The following GYPC variants were observed in gnomAD, a reference collection of about 807,000 sequenced individuals.
GYPC encodes the protein glycophorin C (Gerbich blood group).
In GYPC, 14 loss-of-function variants were observed where a neutral mutation model predicts 12.6. The observed-to-expected ratio is 1.11, with a 90% confidence interval of 0.74 to 1.74. GYPC has a LOEUF of 1.74. Among genes scored for constraint, GYPC ranks in the 40% most tolerant of loss-of-function variants. The probability of loss-of-function intolerance (pLI) is 0.00; values close to 1 mark genes in which losing one functional copy is unlikely to be tolerated. For missense variants in GYPC, 225 were observed against 172.1 expected, an observed-to-expected ratio of 1.31 and a Z score of -1.72; for synonymous variants, 78 against 62.1, an observed-to-expected ratio of 1.26 and a Z score of -1.20.
At position 126,693,895 on chromosome 2, in the gene GYPC, T is replaced by G. The variant is rs767219358; in HGVS notation, c.138T>G (p.Asp46Glu). Residue 46 changes from aspartate (D) to glutamate (E), a missense_variant, in exon 3 of 4, where the codon GAT becomes GAG. Physicochemically the swap from Asp to Glu is conservative, Grantham distance 45 (BLOSUM62 2). Transcript: ENST00000259254. ...ATCCAGGGATGTCTGGATGGCCGGA[T>G]GGCAGAATGGAGACCTCCACCCCCA... ...EPDPGMSGWP[D>E]GRMETSTPTI... is the part of the protein sequence containing the mutation. The G allele has an allele frequency of 2.7e-5, 43 of 1,612,588 alleles. No homozygotes were observed. Among genetic ancestry groups the G allele is most frequent in the Non-Finnish European group, 3.6e-5 (43 of 1,178,726 alleles).
intron 1 of GYPC, among the ~76,000 whole-genome samples, chr2:126,676,405 T>C (rs1405351137): frequency 6.6e-6 from 1 of 152,186 alleles, no homozygotes; most frequent in Non-Finnish European, 1.5e-5. Context: ...TCATTAGACA[T>C]TAACTGGTTG....
intron 1 of GYPC, among the ~76,000 whole-genome samples, chr2:126,676,729 C>T (rs943587790): frequency 1.8e-4 from 27 of 152,042 alleles, no homozygotes; most frequent in African/African-American, 6.3e-4. Context: ...ATTTTCATTG[C>T]TAGAAAAACA....
chr2:126,692,838 G>C (rs1031691530), intron 2 of GYPC, among the ~76,000 whole-genome samples: 5 of 152,190 alleles, frequency 3.3e-5, no homozygotes, highest in African/African-American at 9.6e-5. Flanking sequence ...TTCTCCAAGA[G>C]AGAAAGTGCA....
At chr2:126,662,148 C>T (rs1682551150) in intron 1 of GYPC, among the ~76,000 whole-genome samples, 1 of 152,108 alleles carries the variant, frequency 6.6e-6, no homozygotes, top group Non-Finnish European at 1.5e-5. Flanking sequence ...TGTCAGCAGC[C>T]GATGAGCACA....
At chr2:126,692,205 C>T (rs756354577) in intron 2 of GYPC, among the ~76,000 whole-genome samples, 13 of 152,204 alleles carry the variant, frequency 8.5e-5, no homozygotes, top group African/African-American at 2.2e-4. Flanking sequence ...TCCTGGCTCC[C>T]GAGACCCAGA....
chr2:126,695,907 C>T (rs751337882), intron 3 of GYPC, 39 bp from the exon 4 acceptor site: 1 of 1,572,586 alleles, frequency 6.4e-7, no homozygotes. Flanking sequence ...CCCAGAGCCC[C>T]TGCCTCAGAC....
intron 1 of GYPC, chr2:126,657,631 C>T (rs1682402016): frequency 6.6e-6 from 1 of 152,162 alleles, no homozygotes; most frequent in South Asian, 2.1e-4. Flanking sequence ...GGACAGGAGC[C>T]ACTGTCATTA....
rs528402130 is a variant in GYPC at position 126,675,477 on chromosome 2, G to A, written c.50-14778G>A. The stretch of plus-strand genomic sequence containing the variant: ...AATTCTCAGACCGCCAGCCTCTCCT[G>A]CAGCTCCTACCTCATACCCAGACCC... On this transcript the variant is annotated intron_variant, in intron 1 of 3. Coordinates refer to ENST00000259254, the MANE Select transcript of GYPC (RefSeq NM_002101.5). Among the ~76,000 whole-genome samples, 16 of 152,244 alleles carry A rather than the reference G, an allele frequency of 1.1e-4. No individual in the cohort carries two copies. In the East Asian group the frequency reaches 3.1e-3, roughly 29 times the overall value.
intron 1 of GYPC, among the ~76,000 whole-genome samples, chr2:126,663,434 G>C (rs1014821976): frequency 6.6e-6 from 1 of 152,178 alleles, no homozygotes; most frequent in African/African-American, 2.4e-5. Context: ...CTGTGTGATG[G>C]GGAGCAAGCC....
chr2:126,690,129 C>G (rs558391968), intron 1 of GYPC, 126 bp from the exon 2 acceptor site: 1 of 764,922 alleles, frequency 1.3e-6, no homozygotes, highest in African/African-American at 1.7e-5. Flanking sequence ...ACCACACTGT[C>G]TCTGTCCACT....
intron 3 of GYPC, 125 bp downstream of exon 3, chr2:126,694,072 G>A: frequency 1.4e-6 from 1 of 733,168 alleles, no homozygotes; most frequent in East Asian, 2.6e-5. Flanking sequence ...CTCCCTCAGA[G>A]GTGGTTTTGA....
chr2:126,672,001 C>T (rs1173850759), intron 1 of GYPC, among the ~76,000 whole-genome samples: 1 of 152,092 alleles, frequency 6.6e-6, no homozygotes, highest in Admixed American at 6.6e-5. Flanking sequence ...GCAGAGAGCA[C>T]AGCAAGTGCA....
At chr2:126,680,731 G>A (rs1179906980) in intron 1 of GYPC, among the ~76,000 whole-genome samples, 1 of 152,224 alleles carries the variant, frequency 6.6e-6, no homozygotes, top group Non-Finnish European at 1.5e-5. Context: ...GTCACTGAAT[G>A]TACTGTCTCT....
chr2:126,680,431 T>C (rs937615767), intron 1 of GYPC: 1 of 152,088 alleles, frequency 6.6e-6, no homozygotes, highest in Non-Finnish European at 1.5e-5. Context: ...GCATAGGAAG[T>C]GAGAGGAACC....
chr2:126,686,980 CCTA>C (rs1683310240), intron 1 of GYPC, among the ~76,000 whole-genome samples: 1 of 152,198 alleles, frequency 6.6e-6, no homozygotes, highest in Admixed American at 6.5e-5. Flanking sequence ...AGACCAACCA[CCTA>C]CTTTCTGGGC....
At chr2:126,672,966 T>A (rs913802295) in intron 1 of GYPC, among the ~76,000 whole-genome samples, 1 of 152,058 alleles carries the variant, frequency 6.6e-6, no homozygotes, top group Non-Finnish European at 1.5e-5. Flanking sequence ...CACCTCAGTC[T>A]TATCCTCACC....
intron 1 of GYPC, among the ~76,000 whole-genome samples, chr2:126,686,801 C>T (rs1683304305): frequency 6.6e-6 from 1 of 152,150 alleles, no homozygotes; most frequent in Admixed American, 6.5e-5. Flanking sequence ...CAGACCCAAG[C>T]TTGGCCGTAA....
At chr2:126,691,237 G>A (rs1416597026) in intron 2 of GYPC, among the ~76,000 whole-genome samples, 1 of 152,230 alleles carries the variant, frequency 6.6e-6, no homozygotes, top group African/African-American at 2.4e-5. Flanking sequence ...TTGCTCTGCA[G>A]CTTCAAAGTA....
Position 126,656,373 on chromosome 2 carries a change from C to G in GYPC, c.49+61C>G, listed in dbSNP as rs28387082. 3,301 of 1,441,388 alleles carry G rather than the reference C, an allele frequency of 2.3e-3. 5 individuals are homozygous for G. Among genetic ancestry groups the G allele is most frequent in the Admixed American group, 4.3e-3 (218 of 51,116 alleles). 89.3% of individuals were successfully genotyped at this position (1,441,388 alleles called of 1,614,324 possible). A position where few individuals can be genotyped will look rare whatever the true frequency, so the allele number is the denominator to read the frequency against. On this transcript the variant is annotated intron_variant, in intron 1 of 3. Transcript: ENST00000259254. ...CACTGGAGGCCGCGGCCCGCAGCAG[C>G]CAGGGGCCGAGCCACGGCCACGGAC...
Sources: gnomAD v4.1 joint callset for allele counts (sites outside exome capture counted in the v4.1 genomes callset) on GRCh38, gnomAD v4.1.1 for gene constraint, MANE v1.5 for transcripts, NCBI Gene and HGNC (gene_info 2026-07-23, HGNC 2026-07-21) for gene names.